The following CDC42BPB variants were observed in gnomAD, a reference collection of about 807,000 sequenced individuals.
CDC42BPB encodes the protein serine/threonine-protein kinase MRCK beta.
CDC42BPB carries 37 observed loss-of-function variants against 214.9 expected under a neutral mutation model. The ratio of observed to expected loss-of-function variants is 0.17; its 90% confidence interval spans 0.13 to 0.23. The LOEUF is 0.23. Ranked by LOEUF, CDC42BPB falls within the 10% of genes least tolerant of loss-of-function variation. The probability of loss-of-function intolerance (pLI) is 1.00; values close to 1 mark genes in which losing one functional copy is unlikely to be tolerated. For synonymous variants in CDC42BPB, 931 were observed against 884.0 expected (o/e 1.05, Z -0.94); for missense variants, 1,694 against 2,227.0 (o/e 0.76, Z 4.82).
intron 1 of CDC42BPB, among the ~76,000 whole-genome samples, chr14:103,014,165 C>CAAACAAAAAAAA (rs1566903951): frequency 4.1e-5 from 1 of 24,560 alleles, no homozygotes. Flanking sequence ...GACTCCGTCT[C>CAAACAAAAAAAA]AAAAAAAAAA....
intron 5 of CDC42BPB, among the ~76,000 whole-genome samples, chr14:102,995,704 G>A (rs571839084): frequency 2.4e-4 from 36 of 152,210 alleles, no homozygotes; most frequent in Non-Finnish European, 4.0e-4. Context: ...CACAGCACCC[G>A]ACTAACCCCA....
chr14:102,980,598 CATT>C (rs888448613), intron 8 of CDC42BPB, among the ~76,000 whole-genome samples, 172 bp downstream of exon 8: 3 of 152,152 alleles, frequency 2.0e-5, no homozygotes, highest in Admixed American at 1.3e-4. Flanking sequence ...AGTCATCCAT[CATT>C]TTTTAAAGGA....
chr14:102,950,067 G>T lies in CDC42BPB; in HGVS notation c.3310-163C>A, dbSNP rs923468562. ...AGGCTCAAGGCGTTGCTGGGGAGGGGTCCATGCGTGGCAGCAGACGGTGCC... is the reference window on the plus strand; with the variant it reads ...AGGCTCAAGGCGTTGCTGGGGAGGGTTCCATGCGTGGCAGCAGACGGTGCC... On this transcript the variant is annotated intron_variant, in intron 25 of 36. Transcript: ENST00000361246. 4 of 985,362 alleles carry T rather than the reference G, an allele frequency of 4.1e-6. No individual in the cohort carries two copies. In the East Asian group the frequency reaches 4.5e-4, roughly 112 times the overall value. The allele number at this position is 985,362 out of a possible 1,614,324, so 61.0% of individuals were successfully genotyped here. A position where few individuals can be genotyped will look rare whatever the true frequency, so the allele number is the denominator to read the frequency against.
chr14:102,995,776 C>T (rs1468055677), intron 5 of CDC42BPB, among the ~76,000 whole-genome samples: 3 of 152,228 alleles, frequency 2.0e-5, no homozygotes, highest in African/African-American at 7.2e-5. Flanking sequence ...ACGTCAGCCA[C>T]GCCGTAAAGT....
Position 102,946,648 on chromosome 14 carries a change from T to C in CDC42BPB, c.3568A>G (p.Ser1190Gly), listed in dbSNP as rs781464184. 1.1e-5 allele frequency: 17 copies of C among 1,612,578 alleles called. No homozygotes were observed. In the South Asian group the frequency reaches 1.6e-4, roughly 16 times the overall value. ...TTTTCTGTCAGAATGAGCAGCGAGC[T>C]GGTCTTAGAAGGTGCACCTAAGAGA... ...ASLLGAPSKT[S>G]SLLILTENEN... Residue 1190 changes from serine (S) to glycine (G), a missense_variant, in exon 28 of 37, where the codon AGC becomes GGC. Coordinates refer to ENST00000361246, the MANE Select transcript of CDC42BPB (RefSeq NM_006035.4).
intron 20 of CDC42BPB, among the ~76,000 whole-genome samples, chr14:102,962,175 C>A (rs1401228088): frequency 1.3e-5 from 2 of 152,244 alleles, no homozygotes; most frequent in African/African-American, 4.8e-5. Context: ...TGTGGGTAGG[C>A]TGTGGGGCAG....
At chr14:102,982,574 G>C (rs1283086651) in intron 7 of CDC42BPB, among the ~76,000 whole-genome samples, 1 of 152,198 alleles carries the variant, frequency 6.6e-6, no homozygotes, top group African/African-American at 2.4e-5. Context: ...TTTGAGACCA[G>C]CTTTGCTAAC....
chr14:102,950,162 C>CA, intron 25 of CDC42BPB: 1 of 936,262 alleles, frequency 1.1e-6, no homozygotes, highest in Non-Finnish European at 1.3e-6. Flanking sequence ...CGCAGCCCGA[C>CA]AGTCTCGTAG....
At position 102,999,463 on chromosome 14, in the gene CDC42BPB, C is replaced by T. The variant is rs140942439; in HGVS notation, c.596+102G>A. ...TGCGGCAGCTCAAAGTGGGGACTCG[C>T]TACCTACATGGCTTCTTGGGACGGC... is the stretch of plus-strand genomic sequence containing the variant. On this transcript the variant is annotated intron_variant, in intron 5 of 36. Coordinates refer to ENST00000361246, the MANE Select transcript of CDC42BPB (RefSeq NM_006035.4). The T allele has an allele frequency of 5.2e-5, 62 of 1,181,834 alleles. No homozygotes were observed. The African/African-American group carries it at 7.6e-4, about 14-fold the overall frequency. 73.2% of individuals were successfully genotyped at this position (1,181,834 alleles called of 1,614,324 possible).
intron 3 of CDC42BPB, among the ~76,000 whole-genome samples, chr14:103,007,967 G>A (rs551700353): frequency 9.8e-5 from 15 of 152,288 alleles, no homozygotes; most frequent in African/African-American, 3.4e-4. Context: ...CAGAGCACGC[G>A]GCTGTAGAGG....
Position 103,057,381 on chromosome 14 carries a change from G to C in CDC42BPB, c.-208C>G. ...AGAGTCTGGGGCGCCGGGCCCCGCG[G>C]GTCCATGGGCCGCTCTCCTCCCCTC... On this transcript the variant is annotated 5_prime_UTR_variant, in exon 1 of 37. Coordinates refer to ENST00000361246, the MANE Select transcript of CDC42BPB (RefSeq NM_006035.4). The C allele has an allele frequency of 1.1e-6, 1 of 946,632 alleles. No individual in the cohort carries two copies. The highest frequency in any genetic ancestry group is 1.8e-5 in the African/African-American group (1 of 56,066). The allele number at this position is 946,632 out of a possible 1,614,324, so 58.6% of individuals were successfully genotyped here.
At chr14:103,029,691 C>A (rs1424690433) in intron 1 of CDC42BPB, among the ~76,000 whole-genome samples, 1 of 150,648 alleles carries the variant, frequency 6.6e-6, no homozygotes, top group Non-Finnish European at 1.5e-5. Flanking sequence ...CCCGTCTCTA[C>A]TAAAAATACA....
chr14:102,985,040 T>A (rs1391881522), intron 6 of CDC42BPB, among the ~76,000 whole-genome samples: 4 of 149,412 alleles, frequency 2.7e-5, no homozygotes, highest in South Asian at 2.2e-4. Flanking sequence ...GACGGGGTGG[T>A]GTGGAGGTGA....
chr14:102,987,780 AACAC>A (rs1347789194), intron 5 of CDC42BPB, among the ~76,000 whole-genome samples: 1 of 89,202 alleles, frequency 1.1e-5, no homozygotes, highest in East Asian at 3.5e-4. Context: ...AAATCCCACA[AACAC>A]ACAAACACAC....
intron 30 of CDC42BPB, among the ~76,000 whole-genome samples, chr14:102,942,273 C>T (rs919907967): frequency 6.6e-6 from 1 of 152,192 alleles, no homozygotes; most frequent in Non-Finnish European, 1.5e-5. Flanking sequence ...GGAGCCGGGA[C>T]ACACTGCAGT....
At chr14:103,008,064 C>T (rs1466208407) in intron 3 of CDC42BPB, among the ~76,000 whole-genome samples, 1 of 140,704 alleles carries the variant, frequency 7.1e-6, no homozygotes, top group African/African-American at 3.2e-5. Context: ...GGCAGTGGTC[C>T]ACTTCATTTC....
chr14:103,051,849 T>C (rs950672873), intron 1 of CDC42BPB, among the ~76,000 whole-genome samples: 1 of 149,872 alleles, frequency 6.7e-6, no homozygotes, highest in Non-Finnish European at 1.5e-5. Flanking sequence ...GAAGAGGTTT[T>C]TTGTTTTTTT....
rs918494368 is a variant in CDC42BPB at position 103,044,356 on chromosome 14, C to G, written c.175+12643G>C. On this transcript the variant is annotated intron_variant, in intron 1 of 36. Transcript: ENST00000361246. ...GCTGAACTACAGGTGCACACCAACA[C>G]AGCCGGCACCTTTTTTTTTTTTTTT... Among the ~76,000 whole-genome samples, 6 of 149,962 alleles carry G rather than the reference C, an allele frequency of 4.0e-5. No homozygotes were observed. The East Asian group carries it at 9.8e-4, about 24-fold the overall frequency.
chr14:102,995,410 G>C (rs1488502319), intron 5 of CDC42BPB, among the ~76,000 whole-genome samples: 2 of 152,162 alleles, frequency 1.3e-5, no homozygotes, highest in African/African-American at 4.8e-5. Context: ...CCTGACCTCA[G>C]GTGATCCACC....
Sources: allele counts gnomAD v4.1 joint callset (sites outside exome capture counted in the v4.1 genomes callset), GRCh38; gene constraint gnomAD v4.1.1; transcripts MANE v1.5; gene names NCBI Gene and HGNC (gene_info 2026-07-23, HGNC 2026-07-21).